FGF14: variants seen among roughly 807,000 people sequenced by gnomAD.
FGF14 encodes the protein fibroblast growth factor 14.
Under a neutral mutation model 25.5 loss-of-function variants are expected in FGF14, and 5 were observed. The observed-to-expected ratio is 0.20, with a 90% CI of 0.10 to 0.41. The LOEUF is 0.41. FGF14 is among the 10% of genes least tolerant of loss of function. FGF14 has a pLI of 1.00. For missense variants in FGF14, 222 were observed against 320.1 expected (o/e 0.69, Z 2.34); for synonymous variants, 138 against 118.3 (o/e 1.17, Z -1.08).
chr13:102,209,274 T>C (rs1297759477), intron 1 of FGF14, among the ~76,000 whole-genome samples: 1 of 152,214 alleles, frequency 6.6e-6, no homozygotes, highest in East Asian at 1.9e-4. Context: ...AACCAAATCC[T>C]CCACTTTTGT....
intron 3 of FGF14, among the ~76,000 whole-genome samples, chr13:101,859,995 C>T (rs936713755): frequency 6.6e-6 from 1 of 151,934 alleles, no homozygotes; most frequent in African/African-American, 2.4e-5. Context: ...CTGAAACAAT[C>T]CAGGTTGGTT....
At chr13:102,224,391 T>C (rs1056974804) in intron 1 of FGF14, among the ~76,000 whole-genome samples, 2 of 152,156 alleles carry the variant, frequency 1.3e-5, no homozygotes, top group African/African-American at 2.4e-5. Context: ...AGAAGATATT[T>C]CATTGTACTG....
intron 1 of FGF14, among the ~76,000 whole-genome samples, chr13:102,220,062 G>T (rs1356455117): frequency 6.6e-6 from 1 of 152,038 alleles, no homozygotes; most frequent in African/African-American, 2.4e-5. Flanking sequence ...AGTGACCTTA[G>T]ATTTCTGGAT....
chr13:102,374,758 G>A (rs1051669163), intron 1 of FGF14, among the ~76,000 whole-genome samples: 48 of 134,470 alleles, frequency 3.6e-4, no homozygotes, highest in Non-Finnish European at 6.3e-4. Context: ...AAGGAATTAC[G>A]TTATACAAAA....
intron 3 of FGF14, among the ~76,000 whole-genome samples, chr13:101,749,566 A>G (rs1198119996): frequency 6.6e-6 from 1 of 152,066 alleles, no homozygotes; most frequent in Non-Finnish European, 1.5e-5. Context: ...AATAAACCCT[A>G]TTTTACAACC....
intron 1 of FGF14, among the ~76,000 whole-genome samples, chr13:102,031,426 C>T (rs1243339624): frequency 6.6e-6 from 1 of 152,044 alleles, no homozygotes; most frequent in Non-Finnish European, 1.5e-5. Context: ...ATTCGTACAG[C>T]TAGTGCTGGG....
chr13:101,932,726 G>C (rs1256416901), intron 1 of FGF14, among the ~76,000 whole-genome samples: 1 of 127,800 alleles, frequency 7.8e-6, no homozygotes, highest in Non-Finnish European at 1.6e-5. Flanking sequence ...ACACACTTTT[G>C]ATAAATCCCT....
chr13:102,090,285 A>G (rs2044107931), intron 1 of FGF14, among the ~76,000 whole-genome samples: 1 of 152,188 alleles, frequency 6.6e-6, no homozygotes. Context: ...TAATTGTACT[A>G]CTTGCAAAAA....
At chr13:101,826,241 C>A (rs1252660978) in intron 3 of FGF14, among the ~76,000 whole-genome samples, 1 of 151,974 alleles carries the variant, frequency 6.6e-6, no homozygotes, top group African/African-American at 2.4e-5. Context: ...TATTTAAATA[C>A]CATTTCACTA....
intron 1 of FGF14, among the ~76,000 whole-genome samples, chr13:102,329,165 AAAGCTCATGGCTACTAGT>A (rs1187528887): frequency 1.3e-5 from 2 of 152,138 alleles, no homozygotes; most frequent in Non-Finnish European, 2.9e-5. Flanking sequence ...AGCTTACATC[AAAGCTCATGGCTACTAGT>A]ACAAAAGCTC....
chr13:101,785,440 T>G (rs1000998611), intron 3 of FGF14, among the ~76,000 whole-genome samples: 1 of 151,064 alleles, frequency 6.6e-6, no homozygotes, highest in Non-Finnish European at 1.5e-5. Context: ...AAAAACAATA[T>G]TAAAGTAGAT....
chr13:101,869,628 A>T (rs918669455), intron 2 of FGF14, among the ~76,000 whole-genome samples: 1 of 152,192 alleles, frequency 6.6e-6, no homozygotes, highest in Non-Finnish European at 1.5e-5. Flanking sequence ...TTATAGATAC[A>T]TTTGTAAGAG....
Position 102,003,928 on chromosome 13 carries a change from G to A in FGF14, c.209-128632C>T, listed in dbSNP as rs187826571. Among the ~76,000 whole-genome samples, 264 of 152,126 alleles carry A rather than the reference G, an allele frequency of 1.7e-3. 1 individual carries two copies. Among genetic ancestry groups the A allele is most frequent in the Middle Eastern group, 0.014 (4 of 294 alleles). The stretch of plus-strand genomic sequence containing the variant: ...AGTGATCAAATGGAGAAGAAATCCC[G>A]GCTTTTCAACTCCCTGGTGCTTTTG... On this transcript the variant is annotated intron_variant, in intron 1 of 4. Coordinates refer to the FGF14 transcript ENST00000376131.
chr13:102,021,865 G>A (rs74670841), intron 1 of FGF14, among the ~76,000 whole-genome samples: 2,981 of 152,044 alleles, frequency 0.02, 103 homozygotes, highest in African/African-American at 0.069. Flanking sequence ...TCTATTCTTA[G>A]TTCTTCTACT....
Position 101,850,459 on chromosome 13 carries a change from G to A in FGF14, c.408+18266C>T, listed in dbSNP as rs1402416786. On this transcript the variant is annotated intron_variant, in intron 3 of 4. Coordinates refer to ENST00000376143, the MANE Select transcript of FGF14 (RefSeq NM_004115.4). ...ACAGGGCGAGACTCTGTCTCTAAAG[G>A]CAATATATATATATATATATATATA... is the stretch of plus-strand genomic sequence containing the variant. 9.1e-4 allele frequency among the ~76,000 whole-genome samples: 28 copies of A among 30,838 alleles called. 2 individuals are homozygous for A. Among genetic ancestry groups the A allele is most frequent in the African/African-American group, 2.7e-3 (25 of 9,278 alleles). 20.2% of individuals were successfully genotyped at this position (30,838 alleles called of 152,430 possible).
At chr13:102,220,261 A>G (rs1186921954) in intron 1 of FGF14, among the ~76,000 whole-genome samples, 1 of 152,204 alleles carries the variant, frequency 6.6e-6, no homozygotes, top group African/African-American at 2.4e-5. Context: ...CTTAACAAAA[A>G]TATGTGATTA....
chr13:102,059,653 C>T (rs796230974), intron 1 of FGF14, among the ~76,000 whole-genome samples: 3 of 151,946 alleles, frequency 2.0e-5, no homozygotes, highest in South Asian at 4.1e-4. Flanking sequence ...AAGTTCGAAA[C>T]CGGCATGGCC....
chr13:101,838,631 TA>T (rs1310593784), intron 3 of FGF14, among the ~76,000 whole-genome samples: 1 of 151,986 alleles, frequency 6.6e-6, no homozygotes, highest in Non-Finnish European at 1.5e-5. Flanking sequence ...CTAACATAAA[TA>T]AGCAAGAAGT....
chr13:101,731,620 T>C (rs2035818440), intron 3 of FGF14, among the ~76,000 whole-genome samples: 1 of 152,306 alleles, frequency 6.6e-6, no homozygotes, highest in Non-Finnish European at 1.5e-5. Context: ...AATACCGTGA[T>C]GGGCCATTTG....
Sources: gnomAD v4.1 joint callset for allele counts (sites outside exome capture counted in the v4.1 genomes callset) on GRCh38, gnomAD v4.1.1 for gene constraint, MANE v1.5 for transcripts, NCBI Gene and HGNC (gene_info 2026-07-23, HGNC 2026-07-21) for gene names.